Variants in VWA8 observed in about 807,000 individuals in gnomAD.
VWA8 encodes the protein von Willebrand factor A domain-containing protein 8.
In VWA8, 221 loss-of-function variants were observed where a neutral mutation model predicts 241.5. That is an observed-to-expected ratio of 0.91 (90% CI 0.82 to 1.02). VWA8 has a LOEUF of 1.02. Among genes scored for constraint, VWA8 ranks in the 50% least tolerant of loss-of-function variants. The pLI is 0.00. For synonymous variants in VWA8, 852 were observed against 827.1 expected, an observed-to-expected ratio of 1.03 and a Z score of -0.52; for missense variants, 2,322 against 2,328.7, an observed-to-expected ratio of 1.00 and a Z score of 0.06.
chr13:41,676,133 G>C (rs1392368560), intron 35 of VWA8, among the ~76,000 whole-genome samples: 7 of 152,124 alleles, frequency 4.6e-5, no homozygotes, highest in Non-Finnish European at 8.8e-5. Flanking sequence ...TACTGTCTTT[G>C]TTTGGAAATT....
At chr13:41,614,474 C>T (rs780630373) in intron 38 of VWA8, among the ~76,000 whole-genome samples, 8 of 152,158 alleles carry the variant, frequency 5.3e-5, no homozygotes, top group Admixed American at 2.6e-4. Flanking sequence ...AGCCTTATCT[C>T]GAAATCTTGC....
intron 2 of VWA8, among the ~76,000 whole-genome samples, chr13:41,924,311 C>T (rs1175670496): frequency 6.8e-6 from 1 of 147,586 alleles, no homozygotes; most frequent in African/African-American, 2.5e-5. Flanking sequence ...CAAGCAAAAC[C>T]AAAAATATCT....
intron 43 of VWA8, among the ~76,000 whole-genome samples, chr13:41,573,784 A>AT (rs1199263293): frequency 1.2e-4 from 18 of 148,920 alleles, no homozygotes; most frequent in Non-Finnish European, 1.8e-4. Context: ...TGCCCAGCTA[A>AT]TTTTTTTTTG....
chr13:41,722,630 T>C (rs1054953466), intron 24 of VWA8, among the ~76,000 whole-genome samples: 5 of 152,136 alleles, frequency 3.3e-5, no homozygotes, highest in African/African-American at 7.2e-5. Flanking sequence ...AAAAAGACAA[T>C]TGACCCCTCA....
intron 1 of VWA8, among the ~76,000 whole-genome samples, chr13:41,959,935 C>A (rs1318072713): frequency 6.6e-6 from 1 of 152,128 alleles, no homozygotes; most frequent in African/African-American, 2.4e-5. Flanking sequence ...GCAAGGAAAA[C>A]TGGGGGTTGC....
chr13:41,741,623 T>C (rs772873006), intron 21 of VWA8, among the ~76,000 whole-genome samples: 1 of 152,220 alleles, frequency 6.6e-6, no homozygotes, highest in Non-Finnish European at 1.5e-5. Context: ...GTGTCTATCA[T>C]TATGCCTTCA....
At chr13:41,576,111 T>A (rs534358569) in intron 42 of VWA8, among the ~76,000 whole-genome samples, 1 of 152,154 alleles carries the variant, frequency 6.6e-6, no homozygotes, top group East Asian at 1.9e-4. Context: ...AAACTATAAT[T>A]GGGGTGAGGT....
chr13:41,755,100 G>A (rs939980691), intron 21 of VWA8, among the ~76,000 whole-genome samples: 8 of 151,936 alleles, frequency 5.3e-5, no homozygotes, highest in African/African-American at 7.3e-5. Context: ...TCAATATACC[G>A]ATTTTCTTTC....
chr13:41,739,839 G>GTTTTGTTTTTTTTTTTT (rs2045554037), intron 21 of VWA8, among the ~76,000 whole-genome samples: 1 of 43,586 alleles, frequency 2.3e-5, no homozygotes. Context: ...TTTTTTTTTT[G>GTTTTGTTTTTTTTTTTT]TTTTTTTTGT....
intron 17 of VWA8, among the ~76,000 whole-genome samples, chr13:41,800,718 G>T (rs1461165373): frequency 6.6e-6 from 1 of 151,576 alleles, no homozygotes; most frequent in East Asian, 1.9e-4. Context: ...GCATGAACCT[G>T]GGAGGCAGAG....
rs78186238 is a variant in VWA8 at position 41,673,127 on chromosome 13, T to C, written c.4410-1980A>G. 9.1e-3 allele frequency among the ~76,000 whole-genome samples: 1,381 copies of C among 152,310 alleles called. 7 individuals carry two copies. The highest frequency in any genetic ancestry group is 0.015 in the Non-Finnish European group (1,020 of 68,010). On this transcript the variant is annotated intron_variant, in intron 36 of 44. Transcript: ENST00000379310. ...TTATAAATAATAACAAAGTTTTAAA[T>C]GAACACATAGAATTATAGTAGAGTG...
At chr13:41,639,859 T>C (rs2044784139) in intron 37 of VWA8, among the ~76,000 whole-genome samples, 1 of 151,894 alleles carries the variant, frequency 6.6e-6, no homozygotes, top group Non-Finnish European at 1.5e-5. Context: ...GAAAATAATA[T>C]GTACACCAAA....
chr13:41,799,775 T>C (rs115377959), intron 17 of VWA8, among the ~76,000 whole-genome samples: 1,996 of 152,280 alleles, frequency 0.013, 24 homozygotes, highest in Middle Eastern at 0.051. Flanking sequence ...ATTAGCTCTA[T>C]TGAGATATAA....
intron 40 of VWA8, among the ~76,000 whole-genome samples, chr13:41,601,148 A>G (rs939437085): frequency 1.3e-5 from 2 of 152,080 alleles, no homozygotes; most frequent in African/African-American, 4.8e-5. Flanking sequence ...GACTCAGCTC[A>G]TGTACCCTTA....
chr13:41,794,579 A>C (rs1869604098), intron 17 of VWA8, among the ~76,000 whole-genome samples: 2 of 152,206 alleles, frequency 1.3e-5, no homozygotes, highest in South Asian at 4.1e-4. Context: ...TCATCTGTAA[A>C]CAAAGATAAT....
chr13:41,825,740 C>G (rs759797341), intron 14 of VWA8, among the ~76,000 whole-genome samples: 11 of 152,248 alleles, frequency 7.2e-5, no homozygotes, highest in African/African-American at 2.6e-4. Context: ...GAAATAATCA[C>G]TTTGCTAAAA....
In VWA8 at chr13:41,590,628, A is replaced by G. The variant is rs2044448081; in HGVS notation, c.5112+12T>C. 1 of 1,613,666 alleles carries G rather than the reference A, an allele frequency of 6.2e-7. No individual in the cohort carries two copies. The highest frequency in any genetic ancestry group is 1.3e-5 in the African/African-American group (1 of 74,872). On this transcript the variant is annotated intron_variant, in intron 41 of 44. Transcript: ENST00000379310. ...TATGCAGAGCTGAGGCTAGCAGTTCACCATGACTTACTTGTGGCTCCAGCT... is the reference window on the plus strand; with the variant it reads ...TATGCAGAGCTGAGGCTAGCAGTTCGCCATGACTTACTTGTGGCTCCAGCT...
chr13:41,578,869 A>G (rs2044365933), intron 42 of VWA8, among the ~76,000 whole-genome samples: 1 of 152,228 alleles, frequency 6.6e-6, no homozygotes, highest in Non-Finnish European at 1.5e-5. Context: ...CCTCAACTGC[A>G]GAGGACCAAT....
chr13:41,656,522 CA>C (rs1360213152), intron 37 of VWA8, among the ~76,000 whole-genome samples: 1 of 152,180 alleles, frequency 6.6e-6, no homozygotes, highest in East Asian at 1.9e-4. Context: ...AGAACCCCAG[CA>C]ACTGGAAAGT....
Sources: allele counts gnomAD v4.1 joint callset (sites outside exome capture counted in the v4.1 genomes callset), GRCh38; gene constraint gnomAD v4.1.1; transcripts MANE v1.5; gene names NCBI Gene and HGNC (gene_info 2026-07-23, HGNC 2026-07-21).